Variants in MAS1 observed in about 807,000 individuals in gnomAD.
MAS1 encodes MAS1 proto-oncogene, G protein-coupled receptor, also known as proto-oncogene Mas.
For missense variants in MAS1, 387 were observed against 409.7 expected (o/e 0.94, Z 0.48); for synonymous variants, 163 against 164.2 (o/e 0.99, Z 0.05).
At position 159,907,195 on chromosome 6, in the gene MAS1, G is replaced by A. The variant is rs147698240; in HGVS notation, c.240G>A (p.Leu80=). The A allele has an allele frequency of 3.5e-4, 567 of 1,614,162 alleles. No individual in the cohort carries two copies. The African/African-American group carries it at 6.9e-3, about 20-fold the overall frequency. The change falls in exon 3 of 3, where the codon CTG becomes CTA. Residue 80 remains leucine (L), a synonymous_variant. Transcript: ENST00000674077. Reference sequence around the variant, plus strand: ...ACCTGTCTATCGCAGACATCTCACTGCTCTTCTGTATTTTCATCTTGTCTA... The same window carrying A: ...ACCTGTCTATCGCAGACATCTCACTACTCTTCTGTATTTTCATCTTGTCTA... The part of the protein sequence containing the change: ...ITHLSIADIS[L]LFCIFILSID...
rs1389470390 is a variant in MAS1, at chr6:159,915,027, T to G, written c.*7094T>G. 1 of 152,222 alleles carries G rather than the reference T, an allele frequency of 6.6e-6. No homozygotes were observed. Among genetic ancestry groups the G allele is most frequent in the African/African-American group, 2.4e-5 (1 of 41,420 alleles). 9.4% of individuals were successfully genotyped at this position (152,222 alleles called of 1,614,324 possible). A position where few individuals can be genotyped will look rare whatever the true frequency, so the allele number is the denominator to read the frequency against. On this transcript the variant is annotated 3_prime_UTR_variant, in exon 3 of 3. Coordinates refer to ENST00000674077, the MANE Select transcript of MAS1 (RefSeq NM_002377.4). ...GCTTCTCCCCAAAGTTCTGGTGAAT[T>G]CAGGGTGGTGTTCTTGTCTTTGAAT... is the stretch of plus-strand genomic sequence containing the variant.
rs1027380708 is a variant in MAS1 at position 159,910,487 on chromosome 6, C to G, written c.*2554C>G. ...TGCCCACTGGGGTTTCTCCTCAGCA[C>G]TCATCATGCCATATATCGATTTGCT... On this transcript the variant is annotated 3_prime_UTR_variant, in exon 3 of 3. Transcript: ENST00000674077. 6.6e-6 allele frequency: 1 copy of G among 152,248 alleles called. No homozygotes were observed. The highest frequency in any genetic ancestry group is 1.5e-5 in the Non-Finnish European group (1 of 68,070). 9.4% of individuals were successfully genotyped at this position (152,248 alleles called of 1,614,324 possible). A position where few individuals can be genotyped will look rare whatever the true frequency, so the allele number is the denominator to read the frequency against.
rs1359535812 is a variant in MAS1 at position 159,906,969 on chromosome 6, A to G, written c.14A>G (p.Asn5Ser). 1 of 1,605,910 alleles carries G rather than the reference A, an allele frequency of 6.2e-7. No homozygotes were observed. Among genetic ancestry groups the G allele is most frequent in the South Asian group, 1.1e-5 (1 of 90,920 alleles). The change falls in exon 3 of 3, where the codon AAC becomes AGC. Residue 5 changes from asparagine to serine, a missense_variant. Transcript: ENST00000674077. The stretch of plus-strand genomic sequence containing the variant: ...TGAGGCCTCCTCATGGATGGGTCAA[A>G]CGTGACATCATTTGTTGTTGAGGAA... MDGS[N>S]VTSFVVEEPT...
At chr6:159,896,301 A>G (rs989976178) in intron 1 of MAS1, among the ~76,000 whole-genome samples, 1 of 152,194 alleles carries the variant, frequency 6.6e-6, no homozygotes, top group African/African-American at 2.4e-5. Context: ...TCTCAAAATT[A>G]TAAATATATA....
Position 159,914,881 on chromosome 6 carries a change from GGA to G in MAS1, c.*6949_*6950del. ...TCTCTCCTGTCACCTTGGAAACCAT[GGA>G]TCTAGAGACATTCTCTGAGTGACAC... On this transcript the variant is annotated 3_prime_UTR_variant, in exon 3 of 3. Transcript: ENST00000674077. The G allele has an allele frequency of 6.6e-6, 1 of 152,368 alleles. No individual in the cohort carries two copies. The highest frequency in any genetic ancestry group is 6.5e-5 in the Admixed American group (1 of 15,300). The allele number at this position is 152,368 out of a possible 1,614,324, so 9.4% of individuals were successfully genotyped here.
At chr6:159,892,407 C>G (rs1302630571) in intron 1 of MAS1, among the ~76,000 whole-genome samples, 1 of 152,290 alleles carries the variant, frequency 6.6e-6, no homozygotes, top group East Asian at 1.9e-4. Flanking sequence ...GGCCCACTCC[C>G]CCAGCCTGAG....
chr6:159,900,221 G>A (rs555598199), intron 2 of MAS1, among the ~76,000 whole-genome samples: 4 of 152,264 alleles, frequency 2.6e-5, no homozygotes, highest in African/African-American at 9.6e-5. Context: ...TCTCTCTGCT[G>A]TTGGGGAAGG....
At chr6:159,902,450 T>A (rs1782833655) in intron 2 of MAS1, 1 of 152,220 alleles carries the variant, frequency 6.6e-6, no homozygotes, top group South Asian at 2.1e-4. Context: ...ACTTAATGCA[T>A]GCAAAAGAAC....
Position 159,907,910 on chromosome 6 carries a change from G to A in MAS1, c.955G>A (p.Val319Ile), listed in dbSNP as rs1782916833. Reference protein sequence around the residue: ...PRRQKDNCNTVTVETVV With the variant: ...PRRQKDNCNTITVETVV ...GCGCCAGAAAGACAATTGTAATACG[G>A]TCACAGTTGAGACTGTCGTCTAAGA... Residue 319 changes from valine (V) to isoleucine (I), a missense_variant, in exon 3 of 3, where the codon GTC becomes ATC. Coordinates refer to ENST00000674077, the MANE Select transcript of MAS1 (RefSeq NM_002377.4). The A allele has an allele frequency of 6.2e-7, 1 of 1,605,754 alleles. No homozygotes were observed. The highest frequency in any genetic ancestry group is 1.1e-5 in the South Asian group (1 of 89,872).
In MAS1 at chr6:159,906,914, T is replaced by C; in HGVS notation, c.-36-6T>C. ...TGTGTTTGTTTTGTTCTGGACATAT[T>C]TACAGAAAATTACCTGAAGAGTTCC... On this transcript the variant is annotated splice_polypyrimidine_tract_variant and splice_region_variant and intron_variant, in intron 2 of 2. Coordinates refer to ENST00000674077, the MANE Select transcript of MAS1 (RefSeq NM_002377.4). The C allele has an allele frequency of 6.5e-7, 1 of 1,536,518 alleles. No individual in the cohort carries two copies. The highest frequency in any genetic ancestry group is 8.8e-7 in the Non-Finnish European group (1 of 1,139,970).
rs1295468101 is a variant in MAS1 at position 159,912,751 on chromosome 6, A to T, written c.*4818A>T. 1 of 152,190 alleles carries T rather than the reference A, an allele frequency of 6.6e-6. No individual in the cohort carries two copies. The highest frequency in any genetic ancestry group is 2.4e-5 in the African/African-American group (1 of 41,444). The allele number at this position is 152,190 out of a possible 1,614,324, so 9.4% of individuals were successfully genotyped here. ...TCAGTCTTGTGATGCCTGAGAGTCA[A>T]TGTGCAAACTGTCCTCGAACTTTAA... On this transcript the variant is annotated 3_prime_UTR_variant, in exon 3 of 3. Transcript: ENST00000674077.
intron 2 of MAS1, among the ~76,000 whole-genome samples, chr6:159,905,727 C>T (rs1782877523): frequency 6.6e-6 from 1 of 152,168 alleles, no homozygotes; most frequent in Non-Finnish European, 1.5e-5. Flanking sequence ...GAGGAAAAGA[C>T]AGATATCTAT....
chr6:159,891,690 G>C (rs1479625443), intron 1 of MAS1, among the ~76,000 whole-genome samples: 2 of 152,154 alleles, frequency 1.3e-5, no homozygotes, highest in Admixed American at 6.5e-5. Context: ...GCATTCCTTT[G>C]GTGACAAGAT....
intron 2 of MAS1, chr6:159,906,594 T>C (rs1465748056): frequency 2.1e-5 from 4 of 193,606 alleles, no homozygotes; most frequent in East Asian, 1.4e-4. Context: ...TGGAAATGGG[T>C]CCCGCACAGG....
chr6:159,902,706 T>C (rs1278083707), intron 2 of MAS1, among the ~76,000 whole-genome samples: 2 of 151,926 alleles, frequency 1.3e-5, no homozygotes, highest in Admixed American at 6.6e-5. Context: ...CTCTCCTCTC[T>C]CTCCAACACC....
rs1307259971 is a variant in MAS1 at position 159,900,956 on chromosome 6, G to A, written c.-37+1564G>A. 3.3e-5 allele frequency among the ~76,000 whole-genome samples: 5 copies of A among 152,158 alleles called. No homozygotes were observed. The East Asian group carries it at 9.6e-4, about 29-fold the overall frequency. ...CATAACAAAATACTATGGACTGGGT[G>A]ACTTACACAACAGAAATTTATTTTC... On this transcript the variant is annotated intron_variant, in intron 2 of 2. Coordinates refer to ENST00000674077, the MANE Select transcript of MAS1 (RefSeq NM_002377.4).
chr6:159,892,704 G>A (rs548340077), intron 1 of MAS1, among the ~76,000 whole-genome samples: 6 of 152,080 alleles, frequency 3.9e-5, no homozygotes, highest in Non-Finnish European at 8.8e-5. Context: ...AGAGGTAATT[G>A]CAGCCAGCAA....
intron 1 of MAS1, among the ~76,000 whole-genome samples, chr6:159,893,981 G>A (rs1045867815): frequency 6.6e-6 from 1 of 152,128 alleles, no homozygotes; most frequent in Non-Finnish European, 1.5e-5. Context: ...GTGGACCAGC[G>A]GGGAAGGTTG....
Position 159,907,161 on chromosome 6 carries a change from A to G in MAS1, c.206A>G (p.Tyr69Cys). ...ATGAGAAGAAATCCCTTCACTGTCT[A>G]CATCACCCACCTGTCTATCGCAGAC... ...FRMRRNPFTV[Y>C]ITHLSIADIS... The change falls in exon 3 of 3, where the codon TAC becomes TGC. Residue 69 changes from tyrosine to cysteine, a missense_variant. Coordinates refer to ENST00000674077, the MANE Select transcript of MAS1 (RefSeq NM_002377.4). 1 of 1,614,176 alleles carries G rather than the reference A, an allele frequency of 6.2e-7. No individual in the cohort carries two copies. The highest frequency in any genetic ancestry group is 8.5e-7 in the Non-Finnish European group (1 of 1,180,010).
Sources: gnomAD v4.1 joint callset for allele counts (sites outside exome capture counted in the v4.1 genomes callset) on GRCh38, gnomAD v4.1.1 for gene constraint, MANE v1.5 for transcripts, NCBI Gene and HGNC (gene_info 2026-07-23, HGNC 2026-07-21) for gene names.